The following RBM5 variants were observed in gnomAD, a reference collection of about 807,000 sequenced individuals.
The protein encoded by RBM5 is RNA-binding protein 5.
A neutral mutation model predicts 124.6 loss-of-function variants in RBM5; 15 were observed. That is an observed-to-expected ratio of 0.12 (90% confidence interval 0.08 to 0.19). The LOEUF (loss-of-function observed/expected upper bound fraction) is 0.19, where lower values mean the gene tolerates loss of function less well. Among genes scored for constraint, RBM5 ranks in the 10% least tolerant of loss-of-function variants. The pLI, the probability that RBM5 is intolerant of heterozygous loss-of-function variation, is 1.00. For synonymous variants in RBM5, 337 were observed against 361.2 expected, an observed-to-expected ratio of 0.93 and a Z score of 0.76; for missense variants, 580 against 1,026.5, an observed-to-expected ratio of 0.57 and a Z score of 5.94.
Position 50,118,558 on chromosome 3 carries a change from A to G in RBM5, c.*102A>G. 1 of 1,472,190 alleles carries G rather than the reference A, an allele frequency of 6.8e-7. No individual in the cohort carries two copies. Among genetic ancestry groups the G allele is most frequent in the Non-Finnish European group, 9.2e-7 (1 of 1,090,968 alleles). 91.2% of individuals were successfully genotyped at this position (1,472,190 alleles called of 1,614,324 possible). On this transcript the variant is annotated 3_prime_UTR_variant, in exon 25 of 25. Transcript: ENST00000347869. The stretch of plus-strand genomic sequence containing the variant: ...TTTAAGGGCATGCCTTGTGCTGTTA[A>G]TAGATCTTAGGGTGAACCACTTCAT...
intron 14 of RBM5, among the ~76,000 whole-genome samples, chr3:50,109,337 T>C (rs1260748612): frequency 1.3e-5 from 2 of 152,202 alleles, no homozygotes; most frequent in East Asian, 3.8e-4. Context: ...CCTTCCAAAG[T>C]GCTGGGATTA....
At chr3:50,115,162 C>T (rs1319583516) in intron 20 of RBM5, 1 of 377,388 alleles carries the variant, frequency 2.6e-6, no homozygotes, top group Admixed American at 4.8e-5. Flanking sequence ...AGCGAGACTC[C>T]TTCTCCAAAG....
chr3:50,093,979 G>A (rs762724958), intron 4 of RBM5, 104 bp downstream of exon 4: 102 of 1,309,954 alleles, frequency 7.8e-5, no homozygotes, highest in Non-Finnish European at 1.1e-4. Context: ...GCCAATAGAG[G>A]TTGAGTATCC....
intron 6 of RBM5, 89 bp from the exon 7 acceptor site, chr3:50,102,994 G>C: frequency 9.8e-7 from 1 of 1,018,318 alleles, no homozygotes; most frequent in South Asian, 1.3e-5. Flanking sequence ...TAATTCCAGA[G>C]CACTGATTTT....
At chr3:50,101,044 C>A (rs1009452769) in intron 6 of RBM5, 2 of 154,590 alleles carry the variant, frequency 1.3e-5, no homozygotes, top group African/African-American at 4.8e-5. Context: ...GGAGGCGTAA[C>A]TGCTCAGACC....
At chr3:50,097,694 G>A (rs2090848156) in intron 4 of RBM5, among the ~76,000 whole-genome samples, 2 of 152,152 alleles carry the variant, frequency 1.3e-5, no homozygotes, top group Non-Finnish European at 2.9e-5. Context: ...CTACCAGCCA[G>A]AATACTTTAT....
chr3:50,091,941 T>TG (rs5848907), intron 2 of RBM5, 102 bp from the exon 3 acceptor site: 3 of 1,264,816 alleles, frequency 2.4e-6, no homozygotes, highest in Non-Finnish European at 3.4e-6. Flanking sequence ...ACTATTTGGA[T>TG]TATCTTATAA....
chr3:50,115,589 A>G lies in RBM5; in HGVS notation c.2001A>G (p.Gln667=). ...PNKDALVRHQ[Q]LSDLHKQNMD... ...AAGATGCCCTAGTCAGGCACCAGCA[A>G]CTCTCAGACCTTCACAAGGTGGCCA... Residue 667 remains glutamine, a synonymous_variant, in exon 21 of 25, where the codon CAA becomes CAG. Coordinates refer to ENST00000347869, the MANE Select transcript of RBM5 (RefSeq NM_005778.4). The G allele has an allele frequency of 6.2e-7, 1 of 1,611,496 alleles. No homozygotes were observed. Among genetic ancestry groups the G allele is most frequent in the Non-Finnish European group, 8.5e-7 (1 of 1,179,258 alleles).
chr3:50,089,131 C>G (rs888513707), intron 1 of RBM5, 102 bp downstream of exon 1: 5 of 152,278 alleles, frequency 3.3e-5, no homozygotes, highest in African/African-American at 9.6e-5. Context: ...CAGCTCCAGC[C>G]GGTTCTGTAG....
chr3:50,118,515 G>A lies in RBM5; in HGVS notation c.*59G>A, dbSNP rs781567658. ...AAGAAGTGGTCCATCTCCCGAATTC[G>A]CTGTTACCGCCTGTCTCTTTAAGGG... On this transcript the variant is annotated 3_prime_UTR_variant, in exon 25 of 25. Coordinates refer to ENST00000347869, the MANE Select transcript of RBM5 (RefSeq NM_005778.4). The A allele has an allele frequency of 3.8e-6, 6 of 1,571,100 alleles. No individual in the cohort carries two copies. The highest frequency in any genetic ancestry group is 2.7e-5 in the African/African-American group (2 of 74,226).
chr3:50,118,073 T>C (rs1407637442), intron 24 of RBM5: 6 of 518,584 alleles, frequency 1.2e-5, no homozygotes, highest in Non-Finnish European at 2.1e-5. Context: ...TTTGGGGCCC[T>C]TTCCTAGGCG....
intron 4 of RBM5, among the ~76,000 whole-genome samples, chr3:50,096,211 G>GATA (rs997238871): frequency 1.3e-5 from 2 of 151,864 alleles, no homozygotes; most frequent in African/African-American, 4.8e-5. Flanking sequence ...GTCAGAGGCC[G>GATA]AGTATGGTAA....
chr3:50,108,381 G>A, intron 14 of RBM5, 77 bp downstream of exon 14: 1 of 1,338,868 alleles, frequency 7.5e-7, no homozygotes, highest in South Asian at 1.2e-5. Flanking sequence ...GTCCTAACTG[G>A]ACCAAAAGCT....
In RBM5 at chr3:50,118,825, C is replaced by T; in HGVS notation, c.*369C>T. ...GTGGTATGTGACACCAAAGCCACCT[C>T]TGTCATTTGTTGTGATGTCTTTTCT... is the stretch of plus-strand genomic sequence containing the variant. On this transcript the variant is annotated 3_prime_UTR_variant, in exon 25 of 25. Coordinates refer to ENST00000347869, the MANE Select transcript of RBM5 (RefSeq NM_005778.4). 5.1e-6 allele frequency: 1 copy of T among 195,260 alleles called. No individual in the cohort carries two copies. Among genetic ancestry groups the T allele is most frequent in the East Asian group, 1.2e-4 (1 of 8,052 alleles). 12.1% of individuals were successfully genotyped at this position (195,260 alleles called of 1,614,324 possible).
Position 50,118,313 on chromosome 3 carries a change from GTC to G in RBM5, c.2323-14_2323-13del, listed in dbSNP as rs747031461. 8.1e-6 allele frequency: 13 copies of G among 1,613,868 alleles called. No homozygotes were observed. Among genetic ancestry groups the G allele is most frequent in the Admixed American group, 3.3e-5 (2 of 59,992 alleles). ...CCCATACCCTACCTCCCAGCTGACA[GTC>G]TCTGTGCTTTCCCAGGCTCAAGTTC... On this transcript the variant is annotated splice_polypyrimidine_tract_variant and intron_variant, in intron 24 of 24. Transcript: ENST00000347869.
intron 17 of RBM5, 70 bp from the exon 18 acceptor site, chr3:50,113,313 T>C: frequency 2.0e-6 from 3 of 1,490,064 alleles, no homozygotes; most frequent in Non-Finnish European, 2.7e-6. Context: ...ATCTTTTTTT[T>C]GACAAAATAT....
chr3:50,097,601 T>G lies in RBM5; in HGVS notation c.340-2381T>G, dbSNP rs1437462677. On this transcript the variant is annotated intron_variant, in intron 4 of 24. Transcript: ENST00000347869. ...CCTGTTTTTTTTTTCATGGTAGTAT[T>G]CATGCCTGATATTATTGATGAAGAG... 2.6e-5 allele frequency among the ~76,000 whole-genome samples: 4 copies of G among 152,016 alleles called. No individual in the cohort carries two copies. In the East Asian group the frequency reaches 7.7e-4, roughly 29 times the overall value.
In RBM5 at chr3:50,106,850, A is replaced by C; in HGVS notation, c.939A>C (p.Ala313=). Residue 313 remains alanine, a synonymous_variant, in exon 11 of 25, where the codon GCA becomes GCC. Transcript: ENST00000347869. ...IDGKTIGVDF[A]KSARKDLVLS... ...GCAAAACTATTGGGGTTGATTTTGC[A>C]AAAAGTGCCAGAAAGTGAGTGGCTT... 2 of 1,603,714 alleles carry C rather than the reference A, an allele frequency of 1.2e-6. No individual in the cohort carries two copies. The highest frequency in any genetic ancestry group is 1.7e-6 in the Non-Finnish European group (2 of 1,170,426).
In RBM5 at chr3:50,107,507, C is replaced by T. The variant is rs1052583502; in HGVS notation, c.979C>T (p.Arg327Cys). The T allele has an allele frequency of 3.1e-6, 5 of 1,607,886 alleles. No homozygotes were observed. Among genetic ancestry groups the T allele is most frequent in the East Asian group, 2.2e-5 (1 of 44,818 alleles). Residue 327 changes from arginine to cysteine, a missense_variant, in exon 12 of 25, where the codon CGC becomes TGC. By Grantham distance (180) the Arg-to-Cys change is radical (BLOSUM62 -3). Coordinates refer to ENST00000347869, the MANE Select transcript of RBM5 (RefSeq NM_005778.4). ...AGACTTGGTCCTCTCAGATGGTAAC[C>T]GCGTCAGCGCTTTCTCTGTAGCTAG... ...RKDLVLSDGN[R>C]VSAFSVASTA...
Sources: allele counts gnomAD v4.1 joint callset (sites outside exome capture counted in the v4.1 genomes callset), GRCh38; gene constraint gnomAD v4.1.1; transcripts MANE v1.5; gene names NCBI Gene and HGNC (gene_info 2026-07-23, HGNC 2026-07-21).